The following HYDIN variants were observed in gnomAD, a reference collection of about 807,000 sequenced individuals.
HYDIN encodes HYDIN axonemal central pair apparatus protein, also known as axonemal central pair apparatus protein HYDIN.
HYDIN carries 132 observed loss-of-function variants against 403.9 expected under a neutral mutation model. The observed-to-expected ratio is 0.33, with a 90% CI of 0.28 to 0.38. The LOEUF (loss-of-function observed/expected upper bound fraction) is 0.38, where lower values mean the gene tolerates loss of function less well. Among genes scored for constraint, HYDIN ranks in the 10% least tolerant of loss-of-function variants. The pLI is 1.00. For synonymous variants in HYDIN, 1,202 were observed against 1,891.7 expected, an observed-to-expected ratio of 0.64 and a Z score of 9.46; for missense variants, 2,827 against 5,009.5, an observed-to-expected ratio of 0.56 and a Z score of 13.15.
At chr16:71,221,327 T>C (rs759146062) in intron 1 of HYDIN, among the ~76,000 whole-genome samples, 3 of 151,814 alleles carry the variant, frequency 2.0e-5, no homozygotes, top group Non-Finnish European at 4.4e-5. Flanking sequence ...CCCAAATTCA[T>C]ATCACCTGTG....
Position 70,964,830 on chromosome 16 carries a change from C to G in HYDIN, c.5686G>C (p.Glu1896Gln), listed in dbSNP as rs1407472813. 1.9e-6 allele frequency: 3 copies of G among 1,596,422 alleles called. No homozygotes were observed. Among genetic ancestry groups the G allele is most frequent in the Admixed American group, 1.7e-5 (1 of 59,914 alleles). Residue 1896 changes from glutamate to glutamine, a missense_variant, in exon 37 of 86, where the codon GAG (glutamate) becomes CAG (glutamine). Transcript: ENST00000393567. ...TCGTACAGTTCTGGGGGCAGCTTCT[C>G]CCCAGGGTTGCGGGGAGGCAGCAGC... ...TLLLPPRNPG[E>Q]KLPPELYEYF...
At chr16:70,995,859 C>T (rs2144057316) in intron 23 of HYDIN, among the ~76,000 whole-genome samples, 1 of 152,056 alleles carries the variant, frequency 6.6e-6, no homozygotes. Context: ...CCTGCATATG[C>T]TGTTTAATAT....
At chr16:71,172,053 C>T (rs1025596204) in intron 5 of HYDIN, among the ~76,000 whole-genome samples, 2 of 152,142 alleles carry the variant, frequency 1.3e-5, no homozygotes, top group Admixed American at 6.5e-5. Flanking sequence ...ATGATACTGA[C>T]ATTTAAATTC....
intron 50 of HYDIN, among the ~76,000 whole-genome samples, chr16:70,906,304 T>G (rs943942273): frequency 4.3e-4 from 66 of 151,858 alleles, no homozygotes; most frequent in Non-Finnish European, 8.2e-4. Flanking sequence ...CCTCAAGATT[T>G]TAAACTTTCG....
chr16:71,090,475 G>A (rs978095016), intron 11 of HYDIN: 1 of 152,144 alleles, frequency 6.6e-6, no homozygotes, highest in Non-Finnish European at 1.5e-5. Context: ...AAATGACAGA[G>A]ACTGTTATGT....
chr16:70,887,084 T>C (rs1490716353), intron 58 of HYDIN, among the ~76,000 whole-genome samples: 3 of 152,210 alleles, frequency 2.0e-5, no homozygotes, highest in Non-Finnish European at 2.9e-5. Flanking sequence ...GAGCATCAAT[T>C]CATTTTTTCT....
intron 42 of HYDIN, among the ~76,000 whole-genome samples, chr16:70,942,891 G>T (rs1413581764): frequency 6.6e-6 from 1 of 152,140 alleles, no homozygotes; most frequent in Non-Finnish European, 1.5e-5. Flanking sequence ...TTTACTCTGG[G>T]TATCTAAAAC....
intron 58 of HYDIN, among the ~76,000 whole-genome samples, chr16:70,888,769 G>A (rs911085985): frequency 2.0e-5 from 3 of 152,158 alleles, no homozygotes; most frequent in African/African-American, 7.2e-5. Flanking sequence ...CCTCATGACA[G>A]CTTGGAGAGG....
rs2041510882 is a variant in HYDIN at position 70,892,239 on chromosome 16, G to A, written c.9417+122C>T. On this transcript the variant is annotated intron_variant, in intron 56 of 85. Coordinates refer to ENST00000393567, the MANE Select transcript of HYDIN (RefSeq NM_001270974.2). ...GAACCCCGGTGTATCCTATCTGGTTGCCACCCAGGCCAGCCCTCCCCTTTT... is the reference window on the plus strand; with the variant it reads ...GAACCCCGGTGTATCCTATCTGGTTACCACCCAGGCCAGCCCTCCCCTTTT... 1.6e-5 allele frequency: 17 copies of A among 1,052,916 alleles called. No homozygotes were observed. The South Asian group carries it at 3.0e-4, about 19-fold the overall frequency. The allele number at this position is 1,052,916 out of a possible 1,614,324, so 65.2% of individuals were successfully genotyped here.
chr16:70,948,679 T>A (rs1283664100), intron 41 of HYDIN, among the ~76,000 whole-genome samples: 1 of 151,548 alleles, frequency 6.6e-6, no homozygotes, highest in Non-Finnish European at 1.5e-5. Flanking sequence ...AAAGAAGACA[T>A]TTATGCAGCC....
chr16:71,114,613 C>T (rs1186692820), intron 10 of HYDIN, among the ~76,000 whole-genome samples: 1 of 149,958 alleles, frequency 6.7e-6, no homozygotes, highest in Non-Finnish European at 1.5e-5. Context: ...AGGAAATACA[C>T]ACATGCATGT....
chr16:70,925,941 C>T (rs1157292719), intron 45 of HYDIN, among the ~76,000 whole-genome samples: 1 of 148,742 alleles, frequency 6.7e-6, no homozygotes, highest in Non-Finnish European at 1.5e-5. Context: ...GAATGGCAAT[C>T]ATTAAAAAGT....
intron 52 of HYDIN, among the ~76,000 whole-genome samples, chr16:70,902,817 A>ATTTTTTTTTTTTTT: frequency 6.4e-5 from 1 of 15,650 alleles, no homozygotes; most frequent in Non-Finnish European, 1.2e-4. Flanking sequence ...ATATATATAT[A>ATTTTTTTTTTTTTT]TATATTTTTT....
intron 4 of HYDIN, among the ~76,000 whole-genome samples, chr16:71,176,299 C>A (rs2086669348): frequency 6.9e-6 from 1 of 145,456 alleles, no homozygotes; most frequent in African/African-American, 2.6e-5. Flanking sequence ...GAGCAAGACT[C>A]TGTCTCAAAA....
At position 71,175,753 on chromosome 16, in the gene HYDIN, C is replaced by A. The variant is rs1274629688; in HGVS notation, c.382-12G>T. 6.2e-7 allele frequency: 1 copy of A among 1,613,802 alleles called. No individual in the cohort carries two copies. The highest frequency in any genetic ancestry group is 1.7e-5 in the Admixed American group (1 of 60,010). On this transcript the variant is annotated splice_polypyrimidine_tract_variant and intron_variant, in intron 4 of 85. Coordinates refer to ENST00000393567, the MANE Select transcript of HYDIN (RefSeq NM_001270974.2). ...ACCAACCTTGGAATCTGCAGGGAAACACATGATGATGAACATCGTGCATGT... is the reference window on the plus strand; with the variant it reads ...ACCAACCTTGGAATCTGCAGGGAAAAACATGATGATGAACATCGTGCATGT...
chr16:70,879,717 T>G lies in HYDIN; in HGVS notation c.10255A>C (p.Ser3419Arg), dbSNP rs778975235. ...RIVDIFEVEP[S>R]KMCIASHSHA... ...GAATGACTGGCAATGCACATCTTGC[T>G]GGGTTCCACTTCAAAAATGTCGACG... is the stretch of plus-strand genomic sequence containing the variant. Residue 3419 changes from serine to arginine, a missense_variant, in exon 61 of 86, where the codon AGC becomes CGC. Coordinates refer to ENST00000393567, the MANE Select transcript of HYDIN (RefSeq NM_001270974.2). 2.9e-6 allele frequency: 4 copies of G among 1,400,778 alleles called. No homozygotes were observed. The highest frequency in any genetic ancestry group is 1.8e-4 in the Middle Eastern group (1 of 5,562). The allele number at this position is 1,400,778 out of a possible 1,614,324, so 86.8% of individuals were successfully genotyped here.
chr16:70,876,183 A>G (rs1376726388), intron 62 of HYDIN, among the ~76,000 whole-genome samples: 1 of 141,840 alleles, frequency 7.1e-6, no homozygotes, highest in Non-Finnish European at 1.5e-5. Context: ...TTGTCTGCAC[A>G]TTTTTTTTTT....
At chr16:71,085,210 C>G (rs908313560) in intron 12 of HYDIN, among the ~76,000 whole-genome samples, 2 of 82,036 alleles carry the variant, frequency 2.4e-5, no homozygotes, top group African/African-American at 9.8e-5. Flanking sequence ...TAGAATTTAC[C>G]AGTGAAGCCA....
chr16:71,190,521 G>A (rs758905909), intron 1 of HYDIN, among the ~76,000 whole-genome samples: 6 of 152,084 alleles, frequency 3.9e-5, no homozygotes, highest in Non-Finnish European at 5.9e-5. Context: ...TGCATTGTTG[G>A]TTAACCAAAT....
Sources: allele counts gnomAD v4.1 joint callset (sites outside exome capture counted in the v4.1 genomes callset), GRCh38; gene constraint gnomAD v4.1.1; transcripts MANE v1.5; gene names NCBI Gene and HGNC (gene_info 2026-07-23, HGNC 2026-07-21).